Variants in PARD3B observed in about 807,000 individuals in gnomAD.
The protein encoded by PARD3B is partitioning defective 3 homolog B.
In PARD3B, 103 loss-of-function variants were observed where a neutral mutation model predicts 130.2. That is an observed-to-expected ratio of 0.79 (90% CI 0.67 to 0.93). The LOEUF (loss-of-function observed/expected upper bound fraction) is 0.93. Among genes scored for constraint, PARD3B ranks in the 40% least tolerant of loss-of-function variants. PARD3B has a pLI of 0.00. For synonymous variants in PARD3B, 583 were observed against 553.2 expected (o/e 1.05, Z -0.76); for missense variants, 1,609 against 1,499.2 (o/e 1.07, Z -1.21).
rs1288999166 is a variant in PARD3B, at chr2:205,122,697, C to G, written c.1165+748C>G. On this transcript the variant is annotated intron_variant, in intron 8 of 22. Transcript: ENST00000406610. This position sits in a 1 kb window ranked among gnomAD's most constrained non-coding sequence, Gnocchi z 4.3. ...AAAAGAAACCAAGATCTTATAGATT[C>G]TTGTCTGAATTAATAGAGAATTTAT... Among the ~76,000 whole-genome samples the G allele has an allele frequency of 6.6e-6, 1 of 152,162 alleles. No individual in the cohort carries two copies. Among genetic ancestry groups the G allele is most frequent in the African/African-American group, 2.4e-5 (1 of 41,438 alleles).
At chr2:204,695,687 A>G (rs1316410707) in intron 2 of PARD3B, among the ~76,000 whole-genome samples, 2 of 152,064 alleles carry the variant, frequency 1.3e-5, no homozygotes, top group African/African-American at 2.4e-5. Flanking sequence ...CTCGTGTAGC[A>G]GCAGCCCTGA....
chr2:204,969,862 A>G lies in PARD3B; in HGVS notation c.394+4539A>G, dbSNP rs542154947. Among the ~76,000 whole-genome samples the G allele has an allele frequency of 3.1e-3, 477 of 152,224 alleles. 9 individuals carry two copies. The Middle Eastern group carries it at 0.048, about 15-fold the overall frequency. On this transcript the variant is annotated intron_variant, in intron 3 of 22. Coordinates refer to ENST00000406610, the MANE Select transcript of PARD3B (RefSeq NM_001302769.2). Reference sequence around the variant, plus strand: ...AATGGAGGTGGAGAAAATGTCTTTTAAATCCTATACATTTCAGAAATGAGT... The same window carrying G: ...AATGGAGGTGGAGAAAATGTCTTTTGAATCCTATACATTTCAGAAATGAGT...
At chr2:205,454,891 T>C (rs974231977) in intron 20 of PARD3B, among the ~76,000 whole-genome samples, 5 of 152,176 alleles carry the variant, frequency 3.3e-5, no homozygotes, top group South Asian at 4.2e-4. Flanking sequence ...GTCTTTAAAG[T>C]CAAACACAAG....
intron 22 of PARD3B, among the ~76,000 whole-genome samples, chr2:205,609,671 G>T (rs977779563): frequency 6.6e-6 from 1 of 152,180 alleles, no homozygotes; most frequent in African/African-American, 2.4e-5. Flanking sequence ...CAATGCATAT[G>T]CCTAAGCCGG....
intron 3 of PARD3B, among the ~76,000 whole-genome samples, chr2:204,988,162 T>C (rs767823647): frequency 2.8e-4 from 43 of 152,044 alleles, no homozygotes; most frequent in Non-Finnish European, 4.7e-4. Context: ...AGAGAAGACA[T>C]TGGATTAGCA....
chr2:205,210,273 A>G (rs905455305), intron 15 of PARD3B, among the ~76,000 whole-genome samples: 1 of 151,998 alleles, frequency 6.6e-6, no homozygotes, highest in African/African-American at 2.4e-5. Context: ...TTAGTCTTAC[A>G]TATTTTTATT....
chr2:204,862,784 C>T (rs6726885), intron 2 of PARD3B, among the ~76,000 whole-genome samples: 7,015 of 152,184 alleles, frequency 0.046, 307 homozygotes, highest in African/African-American at 0.11. Flanking sequence ...GTCACACGAC[C>T]AGGAAAGATT....
At chr2:204,950,749 C>G (rs1286846256) in intron 2 of PARD3B, among the ~76,000 whole-genome samples, 1 of 152,178 alleles carries the variant, frequency 6.6e-6, no homozygotes, top group Non-Finnish European at 1.5e-5. Context: ...GAAATATGAA[C>G]TAGACATTCA....
chr2:204,892,224 T>A (rs2046474822), intron 2 of PARD3B, among the ~76,000 whole-genome samples: 1 of 152,136 alleles, frequency 6.6e-6, no homozygotes, highest in South Asian at 2.1e-4. Flanking sequence ...TGGAGTGTGC[T>A]TAGGCTCTTC....
intron 10 of PARD3B, among the ~76,000 whole-genome samples, chr2:205,139,274 G>C (rs183158401): frequency 6.6e-6 from 1 of 151,848 alleles, no homozygotes; most frequent in Non-Finnish European, 1.5e-5. Context: ...AAATTGCCTT[G>C]CCTGTACCCA....
chr2:204,986,897 A>G (rs369986609), intron 3 of PARD3B, among the ~76,000 whole-genome samples: 1 of 152,232 alleles, frequency 6.6e-6, no homozygotes, highest in South Asian at 2.1e-4. Context: ...CCCTCAGAGC[A>G]GTTCCTCAAA....
chr2:205,457,025 C>T (rs983249009), intron 20 of PARD3B, among the ~76,000 whole-genome samples: 1 of 151,394 alleles, frequency 6.6e-6, no homozygotes, highest in Non-Finnish European at 1.5e-5. Context: ...GAAAGTATTA[C>T]CTCCCCTTCT....
In PARD3B at chr2:205,584,156, A is replaced by T. The variant is rs1390677219; in HGVS notation, c.3260+30753A>T. 2.0e-5 allele frequency among the ~76,000 whole-genome samples: 3 copies of T among 152,216 alleles called. No individual in the cohort carries two copies. Among genetic ancestry groups the T allele is most frequent in the Non-Finnish European group, 2.9e-5 (2 of 68,038 alleles). ...TGCACTCCAATATGGTAGCCGCAAC[A>T]ACATGGGGCTATCAGACATTTAAAT... is the stretch of plus-strand genomic sequence containing the variant. On this transcript the variant is annotated intron_variant, in intron 22 of 22. Coordinates refer to ENST00000406610, the MANE Select transcript of PARD3B (RefSeq NM_001302769.2). The surrounding 1 kb of genome is among the most constrained non-coding windows in gnomAD (Gnocchi z 5.5).
At chr2:204,870,164 G>A (rs2045576514) in intron 2 of PARD3B, among the ~76,000 whole-genome samples, 1 of 152,008 alleles carries the variant, frequency 6.6e-6, no homozygotes, top group Admixed American at 6.6e-5. Flanking sequence ...CCCAATATAA[G>A]CATTTTGGAT....
In PARD3B at chr2:205,128,316, G is replaced by A. The variant is rs529668838; in HGVS notation, c.1434+2579G>A. 6.6e-6 allele frequency among the ~76,000 whole-genome samples: 1 copy of A among 152,146 alleles called. No individual in the cohort carries two copies. Among genetic ancestry groups the A allele is most frequent in the African/African-American group, 2.4e-5 (1 of 41,416 alleles). ...TATACCTTTCTCCCATATGTCCTCT[G>A]GAATTTTTAACCCCACAGTTAATAC... On this transcript the variant is annotated intron_variant, in intron 10 of 22. Transcript: ENST00000406610. This position sits in a 1 kb window ranked among gnomAD's most constrained non-coding sequence, Gnocchi z 4.5.
intron 18 of PARD3B, among the ~76,000 whole-genome samples, chr2:205,398,256 G>A (rs931657853): frequency 3.3e-5 from 5 of 152,074 alleles, no homozygotes; most frequent in African/African-American, 9.7e-5. Flanking sequence ...AGCCGAGATC[G>A]CATCATTGCA....
At chr2:204,729,553 G>T (rs551445265) in intron 2 of PARD3B, among the ~76,000 whole-genome samples, 1 of 152,104 alleles carries the variant, frequency 6.6e-6, no homozygotes, top group African/African-American at 2.4e-5. Flanking sequence ...CAGACATCTC[G>T]TGTCTCAAAG....
At chr2:205,072,267 CAG>C (rs567002355) in intron 4 of PARD3B, among the ~76,000 whole-genome samples, 418 of 144,466 alleles carry the variant, frequency 2.9e-3, no homozygotes, top group African/African-American at 8.3e-3. Context: ...TTCTTTGAGA[CAG>C]AGTTTCATTC....
intron 4 of PARD3B, among the ~76,000 whole-genome samples, chr2:205,056,255 A>G (rs145784465): frequency 3.5e-4 from 54 of 152,140 alleles, no homozygotes; most frequent in East Asian, 1.4e-3. Context: ...ACAAGTTTCA[A>G]TTTGGTTTCT....
Sources: allele counts gnomAD v4.1 joint callset (sites outside exome capture counted in the v4.1 genomes callset), GRCh38; gene constraint gnomAD v4.1.1; non-coding constraint Gnocchi (gnomAD v3.1); transcripts MANE v1.5; gene names NCBI Gene and HGNC (gene_info 2026-07-23, HGNC 2026-07-21).